Variants in GNAO1 observed in about 807,000 individuals in gnomAD.
The protein encoded by GNAO1 is guanine nucleotide-binding protein G(o) subunit alpha.
For synonymous variants in GNAO1, 164 were observed against 180.7 expected (o/e 0.91, Z 0.74); for missense variants, 166 against 478.7 (o/e 0.35, Z 6.10).
intron 4 of GNAO1, chr16:56,329,029 A>G (rs569242379): frequency 6.5e-5 from 33 of 507,450 alleles, no homozygotes; most frequent in Non-Finnish European, 1.1e-4. Flanking sequence ...CAAACAGTGG[A>G]AATTCCCAGA....
chr16:56,247,680 T>C (rs2036761902), intron 2 of GNAO1, among the ~76,000 whole-genome samples: 1 of 152,122 alleles, frequency 6.6e-6, no homozygotes, highest in Non-Finnish European at 1.5e-5. Context: ...TTCCCTGAAA[T>C]CCTATAAAAA....
chr16:56,276,446 C>G (rs899768885), intron 3 of GNAO1: 1 of 159,120 alleles, frequency 6.3e-6, no homozygotes, highest in Non-Finnish European at 1.4e-5. Flanking sequence ...ACCATCTCCC[C>G]TCCTTAGAAG....
chr16:56,263,228 G>A (rs74443886), intron 2 of GNAO1, among the ~76,000 whole-genome samples: 6,562 of 152,244 alleles, frequency 0.043, 319 homozygotes, highest in African/African-American at 0.11. Flanking sequence ...ATGTCCATCT[G>A]GGGCCACTGT....
intron 3 of GNAO1, chr16:56,301,084 C>T (rs1236969273): frequency 1.3e-5 from 2 of 152,306 alleles, no homozygotes; most frequent in Admixed American, 6.5e-5. Context: ...CCTCAGACCT[C>T]TGAGAGCTCT....
intron 3 of GNAO1, among the ~76,000 whole-genome samples, chr16:56,282,065 T>G (rs1596840287): frequency 1.3e-5 from 2 of 152,356 alleles, no homozygotes; most frequent in East Asian, 1.9e-4. Flanking sequence ...TTTGTGCCTA[T>G]GCCTGTTTCT....
chr16:56,345,014 A>G, intron 6 of GNAO1: 1 of 985,292 alleles, frequency 1.0e-6, no homozygotes, highest in Non-Finnish European at 1.2e-6. Flanking sequence ...GATGGAGCTG[A>G]CACCCTGGAG....
intron 3 of GNAO1, among the ~76,000 whole-genome samples, chr16:56,319,522 C>G (rs1350895567): frequency 6.6e-6 from 1 of 152,142 alleles, no homozygotes; most frequent in Non-Finnish European, 1.5e-5. Context: ...AGCTGGCTGA[C>G]TGGAGAGAGC....
chr16:56,346,718 T>C, intron 6 of GNAO1: 1 of 985,594 alleles, frequency 1.0e-6, no homozygotes, highest in Non-Finnish European at 1.2e-6. Flanking sequence ...GACGCAGCTG[T>C]CTCCCAGGCC....
At chr16:56,330,900 C>A (rs2037682002) in intron 4 of GNAO1, among the ~76,000 whole-genome samples, 1 of 152,238 alleles carries the variant, frequency 6.6e-6, no homozygotes, top group Admixed American at 6.5e-5. Context: ...TCTCTTCTGT[C>A]ACTGTGGCTG....
intron 2 of GNAO1, chr16:56,235,239 T>G: frequency 2.2e-6 from 1 of 444,968 alleles, no homozygotes; most frequent in Non-Finnish European, 4.5e-6. Context: ...AGGACTTCCC[T>G]CTGATTGCAG....
At chr16:56,219,713 T>G (rs1011609741) in intron 2 of GNAO1, among the ~76,000 whole-genome samples, 8 of 152,028 alleles carry the variant, frequency 5.3e-5, no homozygotes, top group Middle Eastern at 3.2e-3. Flanking sequence ...ATTGTCCCAT[T>G]CCACTTTTTG....
chr16:56,192,641 C>G (rs754217562), intron 2 of GNAO1, 25 bp downstream of exon 2: 4 of 1,436,120 alleles, frequency 2.8e-6, no homozygotes, highest in Admixed American at 3.3e-5. Context: ...CATTGGGATT[C>G]GTACTTTTAT....
intron 2 of GNAO1, among the ~76,000 whole-genome samples, chr16:56,209,810 C>G (rs549365784): frequency 4.6e-5 from 7 of 152,168 alleles, no homozygotes; most frequent in Admixed American, 4.6e-4. Flanking sequence ...ACGTCCCTCC[C>G]CACACACATG....
chr16:56,346,967 A>C, intron 6 of GNAO1: 1 of 985,344 alleles, frequency 1.0e-6, no homozygotes, highest in Non-Finnish European at 1.2e-6. Context: ...GCTCCCACCT[A>C]ACACTCTACA....
At chr16:56,240,366 T>C (rs2036683686) in intron 2 of GNAO1, among the ~76,000 whole-genome samples, 1 of 152,196 alleles carries the variant, frequency 6.6e-6, no homozygotes, top group Non-Finnish European at 1.5e-5. Context: ...GCACCCGTGC[T>C]GGTGCCTTGC....
chr16:56,240,375 G>A (rs1343975986), intron 2 of GNAO1, among the ~76,000 whole-genome samples: 2 of 152,168 alleles, frequency 1.3e-5, no homozygotes, highest in Admixed American at 1.3e-4. Context: ...CTGGTGCCTT[G>A]CCTCTGGTGT....
chr16:56,313,785 C>T (rs548831878), intron 3 of GNAO1, among the ~76,000 whole-genome samples: 2 of 152,252 alleles, frequency 1.3e-5, no homozygotes, highest in Non-Finnish European at 1.5e-5. Context: ...TGCAGTGGCA[C>T]GATGACAACT....
intron 2 of GNAO1, among the ~76,000 whole-genome samples, chr16:56,197,776 G>T (rs994560868): frequency 1.3e-5 from 2 of 152,128 alleles, no homozygotes; most frequent in Admixed American, 1.3e-4. Context: ...TTCTTCACAT[G>T]CCACATCTGC....
rs539855610 is a variant in GNAO1, at chr16:56,344,778, A to T, written c.724-6606A>T. On this transcript the variant is annotated intron_variant, in intron 6 of 8. Coordinates refer to ENST00000262493, the MANE Select transcript of GNAO1 (RefSeq NM_020988.3). ...TTTTTTCCAGTCACCAGGAGCTCGG[A>T]TGGTCACTCTGAGGTGTGAATAGAT... 3.0e-6 allele frequency: 3 copies of T among 985,418 alleles called. No homozygotes were observed. In the South Asian group the frequency reaches 1.4e-4, roughly 46 times the overall value. 61.0% of individuals were successfully genotyped at this position (985,418 alleles called of 1,614,324 possible). A position where few individuals can be genotyped will look rare whatever the true frequency, so the allele number is the denominator to read the frequency against.
Sources: gnomAD v4.1 joint callset for allele counts (sites outside exome capture counted in the v4.1 genomes callset) on GRCh38, gnomAD v4.1.1 for gene constraint, MANE v1.5 for transcripts, NCBI Gene and HGNC (gene_info 2026-07-23, HGNC 2026-07-21) for gene names.